KALRN: variants seen among roughly 807,000 people sequenced by gnomAD.
KALRN encodes kalirin RhoGEF kinase.
A neutral mutation model predicts 353.7 loss-of-function variants in KALRN; 70 were observed. The ratio of observed to expected loss-of-function variants is 0.20; its 90% CI spans 0.16 to 0.24. The LOEUF is 0.24. KALRN is among the 10% of genes least tolerant of loss of function. The pLI, the probability that KALRN is intolerant of heterozygous loss-of-function variation, is 1.00. For missense variants in KALRN, 2,791 were observed against 3,756.7 expected (o/e 0.74, Z 6.72); for synonymous variants, 1,391 against 1,434.8 (o/e 0.97, Z 0.69).
chr3:124,611,907 G>A (rs1450528601), intron 34 of KALRN, among the ~76,000 whole-genome samples: 2 of 152,214 alleles, frequency 1.3e-5, no homozygotes, highest in African/African-American at 4.8e-5. Flanking sequence ...GTCTTCATGT[G>A]GCTGGTTCAC....
chr3:124,686,749 C>T (rs766743364), intron 51 of KALRN, among the ~76,000 whole-genome samples: 5 of 144,012 alleles, frequency 3.5e-5, no homozygotes, highest in African/African-American at 5.1e-5. Context: ...CCATATGATT[C>T]GTCCTGTGCT....
intron 51 of KALRN, among the ~76,000 whole-genome samples, chr3:124,681,268 G>A (rs1206564824): frequency 1.3e-5 from 2 of 152,198 alleles, no homozygotes; most frequent in Non-Finnish European, 2.9e-5. Context: ...AAACATGTGT[G>A]TGCATATACA....
intron 1 of KALRN, chr3:124,152,602 T>C: frequency 1.6e-6 from 1 of 611,056 alleles, no homozygotes; most frequent in East Asian, 2.7e-5. Flanking sequence ...TCTTTTTTTT[T>C]TTTTTTTTTG....
rs1553768422 is a variant in KALRN, at chr3:124,110,469, G to GCACACACA, written c.73+76677_73+76684dup. On this transcript the variant is annotated intron_variant, in intron 1 of 59. Transcript: ENST00000682506. ...ATATATTTCATATATACACACGCGC[G>GCACACACA]CACACACACACACACACACACACAC... 1.5e-3 allele frequency among the ~76,000 whole-genome samples: 204 copies of GCACACACA among 134,044 alleles called. 3 individuals carry two copies. Among genetic ancestry groups the GCACACACA allele is most frequent in the African/African-American group, 3.5e-3 (116 of 33,380 alleles). The allele number at this position is 134,044 out of a possible 152,430, so 87.9% of individuals were successfully genotyped here.
intron 51 of KALRN, among the ~76,000 whole-genome samples, chr3:124,689,485 G>A (rs2061713472): frequency 6.6e-6 from 1 of 152,174 alleles, no homozygotes; most frequent in Non-Finnish European, 1.5e-5. Flanking sequence ...TTACAGGCGT[G>A]AGCAACCATA....
At chr3:124,457,178 T>C (rs921172892) in intron 23 of KALRN, among the ~76,000 whole-genome samples, 15 of 152,176 alleles carry the variant, frequency 9.9e-5, no homozygotes, top group African/African-American at 3.6e-4. Context: ...CAAGCAATTC[T>C]CCTGCCTCAG....
intron 56 of KALRN, among the ~76,000 whole-genome samples, 160 bp downstream of exon 56, chr3:124,700,193 T>G (rs1299261184): frequency 1.3e-5 from 2 of 152,184 alleles, no homozygotes; most frequent in Non-Finnish European, 2.9e-5. Flanking sequence ...TCCAAGCATC[T>G]TGGGCAAATG....
chr3:124,279,919 C>G (rs1365371129), intron 5 of KALRN, among the ~76,000 whole-genome samples: 2 of 152,272 alleles, frequency 1.3e-5, no homozygotes, highest in East Asian at 1.9e-4. Context: ...AGCAAAGGCA[C>G]AGCAGCCTCA....
In KALRN at chr3:124,456,540, C is replaced by T. The variant is rs2059319456; in HGVS notation, c.3736-70C>T. The T allele has an allele frequency of 4.3e-5, 45 of 1,051,024 alleles. No individual in the cohort carries two copies. In the South Asian group the frequency reaches 5.2e-4, roughly 12 times the overall value. 65.1% of individuals were successfully genotyped at this position (1,051,024 alleles called of 1,614,324 possible). On this transcript the variant is annotated intron_variant, in intron 22 of 59. Transcript: ENST00000682506. ...TATCTTTTTTTCCCCCTTTTACCAC[C>T]TCCCTCAACTCCAGTGAGTTGCTTT...
chr3:124,386,317 G>T (rs1169991117), intron 11 of KALRN, among the ~76,000 whole-genome samples: 2 of 152,154 alleles, frequency 1.3e-5, no homozygotes, highest in Non-Finnish European at 2.9e-5. Flanking sequence ...CCAAAGCCAT[G>T]TGTATTCCCT....
intron 37 of KALRN, among the ~76,000 whole-genome samples, chr3:124,645,195 T>G (rs1243069678): frequency 6.6e-6 from 1 of 152,182 alleles, no homozygotes; most frequent in African/African-American, 2.4e-5. Context: ...TCTTGTAAAT[T>G]TGTTTAAGTT....
At chr3:124,299,654 A>T (rs1463194551) in intron 6 of KALRN, among the ~76,000 whole-genome samples, 1 of 152,216 alleles carries the variant, frequency 6.6e-6, no homozygotes, top group Non-Finnish European at 1.5e-5. Flanking sequence ...AATAGCTACC[A>T]TATAAGGTTG....
intron 26 of KALRN, 26 bp downstream of exon 26, chr3:124,474,758 A>G (rs746577317): frequency 1.3e-6 from 2 of 1,572,532 alleles, no homozygotes; most frequent in South Asian, 2.2e-5. Flanking sequence ...TCCTTCTCCC[A>G]CTGCCCATAC....
Position 124,329,860 on chromosome 3 carries a change from G to T in KALRN, c.1285-1G>T. On this transcript the variant is annotated splice_acceptor_variant, in intron 7 of 59. Coordinates refer to ENST00000682506, the MANE Select transcript of KALRN (RefSeq NM_001388419.1). LOFTEE classifies it high-confidence loss of function. Reference sequence around the variant, plus strand: ...CTGATCCACCCTGCATCTCCTTCCAGTTCCTGTCGGGAGTGGATGCCTGGT... The same window carrying T: ...CTGATCCACCCTGCATCTCCTTCCATTTCCTGTCGGGAGTGGATGCCTGGT... 1 of 1,613,136 alleles carries T rather than the reference G, an allele frequency of 6.2e-7. No homozygotes were observed. Among genetic ancestry groups the T allele is most frequent in the Non-Finnish European group, 8.5e-7 (1 of 1,179,498 alleles).
At chr3:124,238,224 A>G (rs2080025485) in intron 3 of KALRN, among the ~76,000 whole-genome samples, 1 of 150,104 alleles carries the variant, frequency 6.7e-6, no homozygotes, top group East Asian at 2.2e-4. Context: ...GCTGGCAGGC[A>G]TGAAGATGAA....
At chr3:124,197,234 C>T (rs753813807) in intron 1 of KALRN, among the ~76,000 whole-genome samples, 4 of 151,928 alleles carry the variant, frequency 2.6e-5, no homozygotes, top group Non-Finnish European at 5.9e-5. Flanking sequence ...GCATGTTAAA[C>T]TTTGTCTCTG....
chr3:124,708,774 GC>G (rs2062756253), intron 57 of KALRN, among the ~76,000 whole-genome samples: 1 of 151,878 alleles, frequency 6.6e-6, no homozygotes, highest in Non-Finnish European at 1.5e-5. Flanking sequence ...TTTTAAAGAA[GC>G]TTGGTGACCT....
intron 2 of KALRN, among the ~76,000 whole-genome samples, chr3:124,231,373 G>T (rs1216982759): frequency 6.6e-6 from 1 of 152,168 alleles, no homozygotes; most frequent in Non-Finnish European, 1.5e-5. Context: ...TCATCCTATT[G>T]TCTTTATGTG....
chr3:124,345,247 G>C (rs1312594468), intron 9 of KALRN, among the ~76,000 whole-genome samples: 2 of 152,172 alleles, frequency 1.3e-5, no homozygotes, highest in Non-Finnish European at 2.9e-5. Context: ...GAAAGTTTAT[G>C]CATTAAAATC....
Sources: allele counts gnomAD v4.1 joint callset (sites outside exome capture counted in the v4.1 genomes callset), GRCh38; gene constraint gnomAD v4.1.1; transcripts MANE v1.5; gene names NCBI Gene and HGNC (gene_info 2026-07-23, HGNC 2026-07-21).